The following SHPK variants were observed in gnomAD, a reference collection of about 807,000 sequenced individuals.
SHPK encodes the protein carbohydrate kinase-like protein.
SHPK carries 51 observed loss-of-function variants against 46.3 expected under a neutral mutation model. That is an observed-to-expected ratio of 1.10 (90% confidence interval 0.88 to 1.39). SHPK has a LOEUF of 1.39. SHPK is among the 40% of genes most tolerant of loss of function. SHPK has a pLI of 0.00. For synonymous variants in SHPK, 290 were observed against 273.9 expected (o/e 1.06, Z -0.58); for missense variants, 668 against 641.3 (o/e 1.04, Z -0.45).
chr17:3,631,082 G>A (rs147695390), intron 1 of SHPK, among the ~76,000 whole-genome samples: 47 of 152,142 alleles, frequency 3.1e-4, no homozygotes, highest in Non-Finnish European at 3.1e-4. Context: ...GTCAGCCTGC[G>A]GCCTTGGTCA....
intron 1 of SHPK, among the ~76,000 whole-genome samples, chr17:3,635,661 A>G (rs1033510862): frequency 1.3e-5 from 2 of 152,230 alleles, no homozygotes; most frequent in African/African-American, 4.8e-5. Flanking sequence ...TGAATCCTGA[A>G]CTTGAGGTCA....
At position 3,617,537 on chromosome 17, in the gene SHPK, G is replaced by A. The variant is rs141945788; in HGVS notation, c.824-2000C>T. On this transcript the variant is annotated intron_variant, in intron 5 of 6. Coordinates refer to ENST00000225519, the MANE Select transcript of SHPK (RefSeq NM_013276.4). Reference sequence around the variant, plus strand: ...AGGTTCCAGGAAGACAGAAAATAATGGGTTTACTTAAATTCAGGGAGTCTG... The same window carrying A: ...AGGTTCCAGGAAGACAGAAAATAATAGGTTTACTTAAATTCAGGGAGTCTG... Among the ~76,000 whole-genome samples the A allele has an allele frequency of 4.4e-3, 672 of 152,158 alleles. 6 individuals carry two copies. Among genetic ancestry groups the A allele is most frequent in the African/African-American group, 0.015 (617 of 41,510 alleles).
At chr17:3,635,214 G>GAAGA (rs2075505970) in intron 1 of SHPK, among the ~76,000 whole-genome samples, 1 of 126,564 alleles carries the variant, frequency 7.9e-6, no homozygotes, top group African/African-American at 2.7e-5. Context: ...AGGAAGGAAG[G>GAAGA]AAGGAAGGAA....
chr17:3,611,571 A>G (rs966173422), intron 6 of SHPK, among the ~76,000 whole-genome samples: 1 of 151,804 alleles, frequency 6.6e-6, no homozygotes, highest in Admixed American at 6.6e-5. Flanking sequence ...CTCCATCTAA[A>G]ACAAACAAAC....
At chr17:3,627,677 T>C (rs2075445929) in intron 2 of SHPK, among the ~76,000 whole-genome samples, 1 of 151,604 alleles carries the variant, frequency 6.6e-6, no homozygotes, top group Non-Finnish European at 1.5e-5. Flanking sequence ...AATAAAATAT[T>C]AAGCAGCTCT....
intron 6 of SHPK, among the ~76,000 whole-genome samples, chr17:3,611,236 G>A (rs1393336595): frequency 3.3e-5 from 5 of 152,052 alleles, no homozygotes. Context: ...CCCTAACACA[G>A]GCTTCTTAAC....
At chr17:3,633,500 T>G (rs1223643772) in intron 1 of SHPK, among the ~76,000 whole-genome samples, 1 of 151,650 alleles carries the variant, frequency 6.6e-6, no homozygotes, top group Admixed American at 6.6e-5. Context: ...AGCACCAAGG[T>G]TGAGAAACCC....
At chr17:3,618,173 C>T (rs927455586) in intron 5 of SHPK, among the ~76,000 whole-genome samples, 1 of 152,090 alleles carries the variant, frequency 6.6e-6, no homozygotes, top group Non-Finnish European at 1.5e-5. Context: ...CTGGCGCGAT[C>T]TCAGCTCACA....
At chr17:3,631,228 C>A (rs936477815) in intron 1 of SHPK, among the ~76,000 whole-genome samples, 1 of 151,540 alleles carries the variant, frequency 6.6e-6, no homozygotes, top group Non-Finnish European at 1.5e-5. Context: ...AACAAGGATT[C>A]TACATGCAAG....
At chr17:3,622,628 T>A (rs1304263913) in intron 4 of SHPK, 1 of 981,622 alleles carries the variant, frequency 1.0e-6, no homozygotes, top group Non-Finnish European at 1.2e-6. Flanking sequence ...ACTGGACTTC[T>A]GTACCTGAAA....
intron 5 of SHPK, among the ~76,000 whole-genome samples, chr17:3,620,841 G>A (rs1376038277): frequency 1.3e-5 from 2 of 152,220 alleles, no homozygotes; most frequent in African/African-American, 4.8e-5. Flanking sequence ...TTACAGGCGT[G>A]AGCCACCGCG....
intron 3 of SHPK, 97 bp from the exon 4 acceptor site, chr17:3,623,588 GC>G: frequency 7.8e-7 from 1 of 1,275,126 alleles, no homozygotes; most frequent in East Asian, 2.3e-5. Flanking sequence ...CTGTGCCATG[GC>G]CAGGTGGCAG....
At position 3,610,744 on chromosome 17, in the gene SHPK, T is replaced by C; in HGVS notation, c.1253A>G (p.Gln418Arg). The C allele has an allele frequency of 6.2e-7, 1 of 1,614,122 alleles. No homozygotes were observed. Among genetic ancestry groups the C allele is most frequent in the Non-Finnish European group, 8.5e-7 (1 of 1,179,982 alleles). The part of the protein sequence containing the change: ...QNLHSMLPIQ[Q>R]LQEWGVERVM... Reference sequence around the variant, plus strand: ...CCTCTCCACGCCCCACTCCTGGAGCTGCTGAATCGGAAGCATGGAGTGCAG... The same window carrying C: ...CCTCTCCACGCCCCACTCCTGGAGCCGCTGAATCGGAAGCATGGAGTGCAG... Residue 418 changes from glutamine (Q) to arginine (R), a missense_variant, in exon 7 of 7, where the codon CAG becomes CGG. Gln to Arg is a conservative substitution (Grantham distance 43). Coordinates refer to ENST00000225519, the MANE Select transcript of SHPK (RefSeq NM_013276.4).
chr17:3,634,979 C>G (rs2075499911), intron 1 of SHPK, among the ~76,000 whole-genome samples: 1 of 151,904 alleles, frequency 6.6e-6, no homozygotes, highest in South Asian at 2.1e-4. Context: ...CAAGACCAGT[C>G]TGGCGAACAT....
intron 5 of SHPK, among the ~76,000 whole-genome samples, chr17:3,617,327 G>T (rs1261955929): frequency 6.6e-6 from 1 of 152,110 alleles, no homozygotes; most frequent in Non-Finnish European, 1.5e-5. Flanking sequence ...TCTCCAGTAA[G>T]CCCTCTTGGA....
chr17:3,634,811 T>A (rs541990481), intron 1 of SHPK, among the ~76,000 whole-genome samples: 1 of 152,188 alleles, frequency 6.6e-6, no homozygotes, highest in Non-Finnish European at 1.5e-5. Flanking sequence ...TCCTCAGAAA[T>A]GCTTCTGAGC....
intron 2 of SHPK, among the ~76,000 whole-genome samples, chr17:3,626,822 G>A (rs575242559): frequency 6.6e-6 from 1 of 151,992 alleles, no homozygotes; most frequent in East Asian, 1.9e-4. Flanking sequence ...TTGAATCTGG[G>A]AGGCAGAGGT....
In SHPK at chr17:3,610,332, AG is replaced by A. The variant is rs1203914996; in HGVS notation, c.*227del. 1.9e-6 allele frequency: 1 copy of A among 539,786 alleles called. No individual in the cohort carries two copies. The highest frequency in any genetic ancestry group is 3.3e-6 in the Non-Finnish European group (1 of 300,660). 33.4% of individuals were successfully genotyped at this position (539,786 alleles called of 1,614,324 possible). On this transcript the variant is annotated 3_prime_UTR_variant, in exon 7 of 7. Transcript: ENST00000225519. ...ACATGGACATTTGTAAATAGCTCCC[AG>A]GTGGGTCAATTTCGGAAGGCACTCA...
chr17:3,621,841 C>T (rs560914659), intron 4 of SHPK, among the ~76,000 whole-genome samples: 3 of 150,816 alleles, frequency 2.0e-5, no homozygotes, highest in South Asian at 4.2e-4. Context: ...TTAGTAGAGA[C>T]GGGGTTTCGC....
Sources: gnomAD v4.1 joint callset for allele counts (sites outside exome capture counted in the v4.1 genomes callset) on GRCh38, gnomAD v4.1.1 for gene constraint, MANE v1.5 for transcripts, NCBI Gene and HGNC (gene_info 2026-07-23, HGNC 2026-07-21) for gene names.